Variants in BCL2L14 observed in about 807,000 individuals in gnomAD.
The protein encoded by BCL2L14 is apoptosis facilitator Bcl-2-like protein 14.
BCL2L14 carries 27 observed loss-of-function variants against 35.3 expected under a neutral mutation model. That is an observed-to-expected ratio of 0.76 (90% confidence interval 0.56 to 1.05). The LOEUF is 1.05. Ranked by LOEUF, BCL2L14 falls within the 50% of genes least tolerant of loss-of-function variation. The pLI is 0.00. For missense variants in BCL2L14, 377 were observed against 382.6 expected (o/e 0.99, Z 0.12); for synonymous variants, 139 against 145.9 (o/e 0.95, Z 0.34).
chr12:12,097,061 T>C (rs1246926532), intron 5 of BCL2L14, among the ~76,000 whole-genome samples: 9 of 152,040 alleles, frequency 5.9e-5, no homozygotes, highest in African/African-American at 1.7e-4. Flanking sequence ...AGGAGAATGG[T>C]GTAAACCTGG....
intron 4 of BCL2L14, among the ~76,000 whole-genome samples, chr12:12,092,197 G>C (rs991951803): frequency 6.6e-6 from 1 of 152,200 alleles, no homozygotes; most frequent in African/African-American, 2.4e-5. Context: ...AAGGCGGAGT[G>C]GGGGTGCTGG....
intron 1 of BCL2L14, 139 bp downstream of exon 1, chr12:12,071,276 C>T (rs1288390918): frequency 1.3e-5 from 2 of 152,158 alleles, no homozygotes; most frequent in Non-Finnish European, 2.9e-5. Flanking sequence ...TCATGTAAGT[C>T]TCAGGACACA....
rs1270360172 is a variant in BCL2L14, at chr12:12,095,988, C to T, written c.945+1058C>T. 3.0e-6 allele frequency: 3 copies of T among 985,260 alleles called. No homozygotes were observed. The African/African-American group carries it at 5.2e-5, about 17-fold the overall frequency. 61.0% of individuals were successfully genotyped at this position (985,260 alleles called of 1,614,324 possible). A position where few individuals can be genotyped will look rare whatever the true frequency, so the allele number is the denominator to read the frequency against. Reference sequence around the variant, plus strand: ...GCCTTAGCTTATTCTAAAAGGAGGACAGGTTCCTCAACATTATTTTAGTTC... The same window carrying T: ...GCCTTAGCTTATTCTAAAAGGAGGATAGGTTCCTCAACATTATTTTAGTTC... On this transcript the variant is annotated intron_variant, in intron 5 of 5. Transcript: ENST00000308721.
At chr12:12,065,259 C>T (rs991149977) in intron 2 of BCL2L14, among the ~76,000 whole-genome samples, 8 of 152,028 alleles carry the variant, frequency 5.3e-5, no homozygotes, top group African/African-American at 1.9e-4. Flanking sequence ...AGGCCGGGTG[C>T]AGTGAGTGGC....
chr12:12,060,406 T>C (rs1948505592), intron 2 of BCL2L14, among the ~76,000 whole-genome samples: 1 of 68,862 alleles, frequency 1.5e-5, no homozygotes, highest in African/African-American at 6.2e-5. Flanking sequence ...AAGGCCGTCT[T>C]ATTCTCAAAA....
chr12:12,059,794 A>G (rs1047273364), intron 2 of BCL2L14, among the ~76,000 whole-genome samples: 2 of 152,046 alleles, frequency 1.3e-5, no homozygotes, highest in African/African-American at 4.8e-5. Context: ...ATGCCGCTTG[A>G]CCCCAATACA....
Position 12,098,970 on chromosome 12 carries a change from A to T in BCL2L14, c.966A>T (p.Ser322=). 9 of 1,600,580 alleles carry T rather than the reference A, an allele frequency of 5.6e-6. No individual in the cohort carries two copies. Among genetic ancestry groups the T allele is most frequent in the Non-Finnish European group, 7.7e-6 (9 of 1,167,576 alleles). ...HGGWEKILGI[S]HEEVD is the part of the protein sequence containing the mutation. ...TCTAGGAAAAAATACTTGGGATATC[A>T]CATGAAGAAGTAGACTGAAATATCA... Residue 322 remains serine (S), a synonymous_variant, in exon 6 of 6, where the codon TCA becomes TCT. Coordinates refer to ENST00000308721, the MANE Select transcript of BCL2L14 (RefSeq NM_138723.2).
intron 2 of BCL2L14, among the ~76,000 whole-genome samples, chr12:12,057,904 G>T (rs1288620279): frequency 6.6e-6 from 1 of 151,404 alleles, no homozygotes; most frequent in Non-Finnish European, 1.5e-5. Flanking sequence ...TCATGTGCTC[G>T]TGTGACCCTG....
intron 1 of BCL2L14, chr12:12,071,551 G>A (rs1447823078): frequency 1.3e-5 from 2 of 152,098 alleles, no homozygotes; most frequent in Non-Finnish European, 2.9e-5. Context: ...AGCCAGCATG[G>A]GAATTCCTGG....
rs1041412580 is a variant in BCL2L14, at chr12:12,059,203, A to C, written c.-272+7356A>C. 3.9e-5 allele frequency among the ~76,000 whole-genome samples: 6 copies of C among 152,244 alleles called. No homozygotes were observed. The East Asian group carries it at 1.2e-3, about 29-fold the overall frequency. ...TTCAGAGGTGTCAGACCACACAGGGACGCCTGCCTTGGTCCTTCACCCTTA... is the reference window on the plus strand; with the variant it reads ...TTCAGAGGTGTCAGACCACACAGGGCCGCCTGCCTTGGTCCTTCACCCTTA... On this transcript the variant is annotated intron_variant, in intron 2 of 3. Transcript: ENST00000461264.
At chr12:12,074,250 A>G (rs1275656636) in intron 1 of BCL2L14, among the ~76,000 whole-genome samples, 2 of 152,026 alleles carry the variant, frequency 1.3e-5, no homozygotes, top group Non-Finnish European at 2.9e-5. Context: ...CAGTCATCAG[A>G]TATTTGAGCA....
chr12:12,084,239 G>A (rs1467726276), intron 2 of BCL2L14, among the ~76,000 whole-genome samples: 3 of 152,168 alleles, frequency 2.0e-5, no homozygotes, highest in Admixed American at 6.6e-5. Flanking sequence ...GATTACGGGC[G>A]TGAGCCACCG....
intron 2 of BCL2L14, chr12:12,054,856 G>C (rs1948407141): frequency 6.6e-6 from 1 of 151,534 alleles, no homozygotes; most frequent in South Asian, 2.1e-4. Flanking sequence ...GCTGAGGCAG[G>C]AGAATCGCTT....
In BCL2L14 at chr12:12,074,718, C is replaced by T. The variant is rs190352871; in HGVS notation, c.-8+3581C>T. On this transcript the variant is annotated intron_variant, in intron 1 of 5. Coordinates refer to ENST00000308721, the MANE Select transcript of BCL2L14 (RefSeq NM_138723.2). ...CCTCCCAAAGTGCTAGGATTACAGG[C>T]GTGAGCCACCGCGCCCAGCCCAGAT... is the stretch of plus-strand genomic sequence containing the variant. Among the ~76,000 whole-genome samples, 477 of 152,322 alleles carry T rather than the reference C, an allele frequency of 3.1e-3. 3 individuals are homozygous for T. The highest frequency in any genetic ancestry group is 6.8e-3 in the Middle Eastern group (2 of 294).
chr12:12,054,301 G>A (rs571129439), intron 2 of BCL2L14, among the ~76,000 whole-genome samples: 2 of 152,208 alleles, frequency 1.3e-5, no homozygotes, highest in East Asian at 1.9e-4. Flanking sequence ...TCAGGAGTTC[G>A]AGACCAGCCA....
intron 3 of BCL2L14, among the ~76,000 whole-genome samples, chr12:12,088,677 C>A (rs1397581460): frequency 6.6e-6 from 1 of 152,198 alleles, no homozygotes; most frequent in South Asian, 2.1e-4. Context: ...TAAATCATTT[C>A]TTTTTAACTC....
At chr12:12,083,146 A>G (rs1948965029) in intron 2 of BCL2L14, among the ~76,000 whole-genome samples, 1 of 152,032 alleles carries the variant, frequency 6.6e-6, no homozygotes, top group African/African-American at 2.4e-5. Flanking sequence ...TTGTATTTTT[A>G]GTAGAGACAG....
rs1948857477 is a variant in BCL2L14, at chr12:12,079,346, T to C, written c.41T>C (p.Leu14Pro). The change falls in exon 2 of 6, where the codon CTA (leucine) becomes CCA (proline). Residue 14 changes from leucine to proline, a missense_variant. By Grantham distance (98) the Leu-to-Pro change is moderately conservative (BLOSUM62 -3). Transcript: ENST00000308721. ...TSGCDLEEIPLDDDDLNTIEF... is the reference protein window; with the variant it reads ...TSGCDLEEIPPDDDDLNTIEF... ...GGGTGTGACCTGGAAGAAATCCCCC[T>C]AGATGATGATGACCTAAACACCATA... 4 of 1,614,140 alleles carry C rather than the reference T, an allele frequency of 2.5e-6. No individual in the cohort carries two copies. The highest frequency in any genetic ancestry group is 3.4e-6 in the Non-Finnish European group (4 of 1,180,012).
rs767732607 is a variant in BCL2L14 at position 12,090,733 on chromosome 12, A to G, written c.608-46A>G. The G allele has an allele frequency of 4.6e-6, 7 of 1,507,922 alleles. No individual in the cohort carries two copies. The South Asian group carries it at 8.0e-5, about 17-fold the overall frequency. 93.4% of individuals were successfully genotyped at this position (1,507,922 alleles called of 1,614,324 possible). On this transcript the variant is annotated intron_variant, in intron 3 of 5. Coordinates refer to ENST00000308721, the MANE Select transcript of BCL2L14 (RefSeq NM_138723.2). ...ATTGTCCCTGGAAAAATGTAAGATT[A>G]TTTTTTGCTTCTCTTAAAAGAAATA...
Sources: gnomAD v4.1 joint callset for allele counts (sites outside exome capture counted in the v4.1 genomes callset) on GRCh38, gnomAD v4.1.1 for gene constraint, MANE v1.5 for transcripts, NCBI Gene and HGNC (gene_info 2026-07-23, HGNC 2026-07-21) for gene names.